Variants in ZC3H12B observed in about 807,000 individuals in gnomAD.
ZC3H12B encodes the protein zinc finger CCCH-type containing 12B, also known as probable ribonuclease ZC3H12B.
In ZC3H12B, 7 loss-of-function variants were observed where a neutral mutation model predicts 43.9. That is an observed-to-expected ratio of 0.16 (90% CI 0.09 to 0.30). The LOEUF (loss-of-function observed/expected upper bound fraction) is 0.30. ZC3H12B is among the 10% of genes least tolerant of loss of function. The probability of loss-of-function intolerance (pLI) is 1.00; values close to 1 mark genes in which losing one functional copy is unlikely to be tolerated. For missense variants in ZC3H12B, 475 were observed against 670.2 expected (o/e 0.71, Z 3.22); for synonymous variants, 222 against 241.7 (o/e 0.92, Z 0.76).
chrX:65,297,251 A>C, the ZC3H12B span, among the ~76,000 whole-genome samples: 1 of 111,114 alleles, frequency 9.0e-6, no homozygotes, highest in Non-Finnish European at 1.9e-5. Flanking sequence ...AGAAGACCCT[A>C]AAGACTCATC....
the ZC3H12B span, among the ~76,000 whole-genome samples, chrX:65,171,618 C>G: frequency 9.0e-6 from 1 of 111,623 alleles, no homozygotes; most frequent in African/African-American, 3.3e-5. Flanking sequence ...GCCTTTTGTT[C>G]AGCTATGCTG....
intron 3 of ZC3H12B, among the ~76,000 whole-genome samples, chrX:65,441,064 T>C (rs1252085541): frequency 8.9e-6 from 1 of 112,479 alleles, no homozygotes; most frequent in Non-Finnish European, 1.9e-5. Context: ...TGCAAATTTT[T>C]TTCTAGTCCC....
intron 3 of ZC3H12B, among the ~76,000 whole-genome samples, chrX:65,414,486 ACTAT>A (rs2066938351): frequency 9.0e-6 from 1 of 111,212 alleles, no homozygotes; most frequent in South Asian, 3.8e-4. Flanking sequence ...AATGTATAGA[ACTAT>A]CTATTTCTAT....
At chrX:65,350,488 A>C in the ZC3H12B span, among the ~76,000 whole-genome samples, 1 of 111,578 alleles carries the variant, frequency 9.0e-6, no homozygotes, top group Non-Finnish European at 1.9e-5. Flanking sequence ...GCAATCAGGC[A>C]AGAGAAAGAA....
chrX:65,411,226 C>T (rs1323218209), intron 3 of ZC3H12B, among the ~76,000 whole-genome samples: 1 of 111,839 alleles, frequency 8.9e-6, no homozygotes, highest in Non-Finnish European at 1.9e-5. Flanking sequence ...ATCACATGTT[C>T]TCACTTTTGT....
At chrX:65,100,307 A>G in the ZC3H12B span, among the ~76,000 whole-genome samples, 2 of 109,893 alleles carry the variant, frequency 1.8e-5, no homozygotes, top group Admixed American at 1.9e-4. Flanking sequence ...GTTGTTAAAT[A>G]CACTTCAGGA....
the ZC3H12B span, among the ~76,000 whole-genome samples, chrX:65,061,617 C>T: frequency 6.2e-5 from 7 of 112,302 alleles, no homozygotes; most frequent in South Asian, 2.6e-3. Context: ...AATGGTGCTG[C>T]AATAAACAAA....
At chrX:65,290,798 A>G in the ZC3H12B span, among the ~76,000 whole-genome samples, 2 of 111,311 alleles carry the variant, frequency 1.8e-5, no homozygotes, top group South Asian at 3.7e-4. Flanking sequence ...AGGAGTAAAA[A>G]AATTTGAACA....
intron 3 of ZC3H12B, among the ~76,000 whole-genome samples, chrX:65,413,178 T>C (rs1466401358): frequency 1.8e-5 from 2 of 112,051 alleles, no homozygotes; most frequent in Admixed American, 1.9e-4. Flanking sequence ...TTTAAACATT[T>C]TTAAATATAT....
the ZC3H12B span, among the ~76,000 whole-genome samples, chrX:65,225,064 C>T: frequency 8.9e-5 from 10 of 112,061 alleles, no homozygotes; most frequent in Non-Finnish European, 1.3e-4. Flanking sequence ...AATGGGTAGA[C>T]TGCCTCCTCA....
At chrX:65,162,412 C>T in the ZC3H12B span, among the ~76,000 whole-genome samples, 23 of 112,033 alleles carry the variant, frequency 2.1e-4, no homozygotes, top group South Asian at 7.5e-4. Flanking sequence ...ACCAATCAGA[C>T]GTAGATTTGG....
chrX:65,151,711 A>T, the ZC3H12B span, among the ~76,000 whole-genome samples: 1 of 111,829 alleles, frequency 8.9e-6, no homozygotes, highest in Non-Finnish European at 1.9e-5. Flanking sequence ...AAAAAGAAGG[A>T]ATCCTCCCTA....
chrX:65,184,762 A>G, the ZC3H12B span, among the ~76,000 whole-genome samples: 6 of 111,617 alleles, frequency 5.4e-5, no homozygotes, highest in African/African-American at 9.7e-5. Context: ...ACAGAAAACT[A>G]CTTCATTAGT....
intron 2 of ZC3H12B, among the ~76,000 whole-genome samples, chrX:65,394,067 ATTTG>A (rs1339728489): frequency 1.8e-5 from 2 of 111,732 alleles, no homozygotes; most frequent in Admixed American, 9.5e-5. Context: ...TTTCTTGTAA[ATTTG>A]TTTAAGTTCC....
chrX:65,237,769 T>A, the ZC3H12B span, among the ~76,000 whole-genome samples: 1 of 111,591 alleles, frequency 9.0e-6, no homozygotes, highest in Admixed American at 9.5e-5. Flanking sequence ...GTTTTTAACA[T>A]GAAGTGATGT....
At chrX:65,127,625 T>C in the ZC3H12B span, among the ~76,000 whole-genome samples, 4 of 110,966 alleles carry the variant, frequency 3.6e-5, no homozygotes, top group Non-Finnish European at 7.6e-5. Flanking sequence ...CCAGGGTAGG[T>C]AGAGAAAGAC....
chrX:65,369,147 G>T (rs888162117), intron 2 of ZC3H12B, 149 bp downstream of exon 4: 1 of 111,597 alleles, frequency 9.0e-6, no homozygotes, highest in Non-Finnish European at 1.9e-5. Flanking sequence ...GCATCAAAGC[G>T]GTGGTGAAAA....
the ZC3H12B span, among the ~76,000 whole-genome samples, chrX:65,279,185 G>A: frequency 9.0e-6 from 1 of 110,560 alleles, no homozygotes; most frequent in Admixed American, 9.6e-5. Flanking sequence ...TGGTACTTCT[G>A]CTTTTAGCTC....
the ZC3H12B span, among the ~76,000 whole-genome samples, chrX:65,241,711 G>A: frequency 2.3e-4 from 26 of 112,467 alleles, no homozygotes; most frequent in Non-Finnish European, 4.3e-4. Flanking sequence ...AATGGCAGCC[G>A]CCCTTCTCAC....
Sources: allele counts gnomAD v4.1 joint callset (sites outside exome capture counted in the v4.1 genomes callset), GRCh38; gene constraint gnomAD v4.1.1; transcripts MANE v1.5; gene names NCBI Gene and HGNC (gene_info 2026-07-23, HGNC 2026-07-21).